The following GRIA4 variants were observed in gnomAD, a reference collection of about 807,000 sequenced individuals.
GRIA4 encodes glutamate receptor 4.
In GRIA4, 34 loss-of-function variants were observed where a neutral mutation model predicts 104.0. The observed-to-expected ratio is 0.33, with a 90% CI of 0.25 to 0.44. The LOEUF (loss-of-function observed/expected upper bound fraction) is 0.44, where lower values mean the gene tolerates loss of function less well. GRIA4 is among the 20% of genes least tolerant of loss of function. The pLI is 1.00. For synonymous variants in GRIA4, 386 were observed against 381.9 expected, an observed-to-expected ratio of 1.01 and a Z score of -0.13; for missense variants, 750 against 1,096.5, an observed-to-expected ratio of 0.68 and a Z score of 4.46.
chr11:105,820,417 T>A lies in GRIA4; in HGVS notation c.488-41607T>A, dbSNP rs149917124. ...CATAACCCTTCCTCAAACATGCCAG[T>A]CATGGACCCTCTTTATCTTTGGTCA... On this transcript the variant is annotated intron_variant, in intron 4 of 16. Coordinates refer to ENST00000282499, the MANE Select transcript of GRIA4 (RefSeq NM_000829.4). 2.1e-3 allele frequency among the ~76,000 whole-genome samples: 313 copies of A among 152,232 alleles called. 10 individuals carry two copies. The East Asian group carries it at 0.049, about 24-fold the overall frequency.
intron 3 of GRIA4, among the ~76,000 whole-genome samples, chr11:105,694,175 A>G (rs1016278757): frequency 6.7e-6 from 1 of 149,938 alleles, no homozygotes; most frequent in Admixed American, 6.6e-5. Flanking sequence ...TTTTAGATGG[A>G]GTCTCACTCT....
chr11:105,726,861 G>A (rs1938243604), intron 3 of GRIA4, among the ~76,000 whole-genome samples: 1 of 151,766 alleles, frequency 6.6e-6, no homozygotes, highest in Non-Finnish European at 1.5e-5. Context: ...GGACAACCAA[G>A]CAAAAACTCC....
chr11:105,688,602 T>C (rs1260925212), intron 3 of GRIA4, among the ~76,000 whole-genome samples: 1 of 151,966 alleles, frequency 6.6e-6, no homozygotes, highest in East Asian at 1.9e-4. Context: ...AATAAAGTGG[T>C]ATAGGAAATA....
chr11:105,768,916 G>A (rs78997961), intron 4 of GRIA4, among the ~76,000 whole-genome samples: 1,970 of 152,084 alleles, frequency 0.013, 32 homozygotes, highest in East Asian at 0.053. Context: ...CTAAGTAGGA[G>A]GTAGAATTTG....
At chr11:105,647,788 T>G (rs1465134557) in intron 3 of GRIA4, among the ~76,000 whole-genome samples, 2 of 151,876 alleles carry the variant, frequency 1.3e-5, no homozygotes, top group African/African-American at 4.8e-5. Flanking sequence ...CACAGGGGCC[T>G]TTTGGAGGGT....
At chr11:105,862,865 A>G (rs1945277110) in intron 5 of GRIA4, among the ~76,000 whole-genome samples, 1 of 152,176 alleles carries the variant, frequency 6.6e-6, no homozygotes, top group Non-Finnish European at 1.5e-5. Context: ...GTATTAAATG[A>G]TAGGAAAATA....
intron 3 of GRIA4, among the ~76,000 whole-genome samples, chr11:105,671,354 G>T (rs554567192): frequency 3.3e-5 from 5 of 151,918 alleles, no homozygotes; most frequent in Non-Finnish European, 5.9e-5. Flanking sequence ...TTTTGACTTT[G>T]ATAATAGATC....
intron 3 of GRIA4, among the ~76,000 whole-genome samples, chr11:105,679,068 T>C (rs1952630994): frequency 6.6e-6 from 1 of 152,132 alleles, no homozygotes; most frequent in South Asian, 2.1e-4. Flanking sequence ...AAAAAAAATC[T>C]GGCTCACAGT....
chr11:105,645,836 A>T (rs1014185738), intron 3 of GRIA4, among the ~76,000 whole-genome samples: 4 of 152,216 alleles, frequency 2.6e-5, no homozygotes, highest in African/African-American at 9.6e-5. Context: ...AACCTAGAGC[A>T]GAAAAAATTT....
chr11:105,946,063 G>A (rs1452151824), intron 14 of GRIA4, among the ~76,000 whole-genome samples: 1 of 152,104 alleles, frequency 6.6e-6, no homozygotes, highest in Non-Finnish European at 1.5e-5. Flanking sequence ...TAGGAAAACT[G>A]TGGTTAGAAA....
At chr11:105,945,917 T>C (rs1325401166) in intron 14 of GRIA4, among the ~76,000 whole-genome samples, 1 of 152,174 alleles carries the variant, frequency 6.6e-6, no homozygotes, top group Non-Finnish European at 1.5e-5. Flanking sequence ...AGCATTTTTA[T>C]ACAGAAATAT....
At chr11:105,913,985 G>A (rs1947329726) in intron 10 of GRIA4, among the ~76,000 whole-genome samples, 2 of 151,578 alleles carry the variant, frequency 1.3e-5, no homozygotes, top group South Asian at 4.2e-4. Flanking sequence ...TCTTCTCTAT[G>A]TAAAATTCTG....
At chr11:105,801,111 A>G (rs770017951) in intron 4 of GRIA4, among the ~76,000 whole-genome samples, 5 of 151,774 alleles carry the variant, frequency 3.3e-5, no homozygotes, top group Non-Finnish European at 7.4e-5. Context: ...ACAACCTTAG[A>G]GAATGAAATT....
At chr11:105,919,995 A>T (rs1021472580) in intron 11 of GRIA4, among the ~76,000 whole-genome samples, 1 of 152,126 alleles carries the variant, frequency 6.6e-6, no homozygotes, top group Non-Finnish European at 1.5e-5. Flanking sequence ...TCCAAGCCAA[A>T]ACTTCAATTC....
At chr11:105,751,726 A>T (rs1054819379) in intron 3 of GRIA4, among the ~76,000 whole-genome samples, 4 of 152,238 alleles carry the variant, frequency 2.6e-5, no homozygotes, top group Non-Finnish European at 5.9e-5. Context: ...CTCTCATTAA[A>T]AAGTAAAACT....
chr11:105,786,143 T>TC (rs1298908118), intron 4 of GRIA4, among the ~76,000 whole-genome samples: 1 of 17,584 alleles, frequency 5.7e-5, no homozygotes, highest in East Asian at 1.0e-3. Flanking sequence ...AGACCCTTTC[T>TC]CAAAAAAAAA....
chr11:105,700,041 A>G (rs558955627), intron 3 of GRIA4, among the ~76,000 whole-genome samples: 1 of 152,240 alleles, frequency 6.6e-6, no homozygotes, highest in African/African-American at 2.4e-5. Context: ...AATTGAATAA[A>G]TATCTATGGT....
chr11:105,643,825 T>A (rs1199636576), intron 3 of GRIA4, among the ~76,000 whole-genome samples: 1 of 152,178 alleles, frequency 6.6e-6, no homozygotes, highest in Non-Finnish European at 1.5e-5. Context: ...TTGAAGCGAT[T>A]CTCCTGCCTA....
At chr11:105,713,034 ACTCTT>A (rs1953966945) in intron 3 of GRIA4, among the ~76,000 whole-genome samples, 1 of 151,766 alleles carries the variant, frequency 6.6e-6, no homozygotes, top group South Asian at 2.1e-4. Context: ...TCTAAACAAA[ACTCTT>A]CTATTAAGTC....
Sources: allele counts gnomAD v4.1 joint callset (sites outside exome capture counted in the v4.1 genomes callset), GRCh38; gene constraint gnomAD v4.1.1; transcripts MANE v1.5; gene names NCBI Gene and HGNC (gene_info 2026-07-23, HGNC 2026-07-21).